Variants in HECW1 observed in about 807,000 individuals in gnomAD.
HECW1 encodes HECT, C2 and WW domain containing E3 ubiquitin protein ligase 1.
A neutral mutation model predicts 182.3 loss-of-function variants in HECW1; 61 were observed. The ratio of observed to expected loss-of-function variants is 0.33; its 90% CI spans 0.27 to 0.41. HECW1 has a LOEUF of 0.41. Among genes scored for constraint, HECW1 ranks in the 10% least tolerant of loss-of-function variants. The pLI is 1.00. For missense variants in HECW1, 1,739 were observed against 2,108.9 expected, an observed-to-expected ratio of 0.82 and a Z score of 3.44; for synonymous variants, 859 against 832.6, an observed-to-expected ratio of 1.03 and a Z score of -0.55.
At chr7:43,146,219 A>G (rs1035928203) in intron 2 of HECW1, among the ~76,000 whole-genome samples, 3 of 152,126 alleles carry the variant, frequency 2.0e-5, no homozygotes, top group African/African-American at 4.8e-5. Context: ...CCTTGGCACT[A>G]TTGACATTCT....
chr7:43,485,005 A>G (rs1234523365), intron 17 of HECW1, among the ~76,000 whole-genome samples: 2 of 152,204 alleles, frequency 1.3e-5, no homozygotes, highest in Non-Finnish European at 2.9e-5. Context: ...TGACATCAAT[A>G]AGGAAGGATA....
chr7:43,232,021 CAAAAA>C (rs34791514), intron 2 of HECW1, among the ~76,000 whole-genome samples: 5 of 71,366 alleles, frequency 7.0e-5, no homozygotes, highest in Non-Finnish European at 1.1e-4. Context: ...GACTCCATCT[CAAAAA>C]AAAAAAAAAA....
At chr7:43,541,736 A>T in intron 25 of HECW1, 133 bp from the exon 26 acceptor site, 1 of 724,466 alleles carries the variant, frequency 1.4e-6, no homozygotes, top group Non-Finnish European at 2.0e-6. Context: ...CTGATTCATC[A>T]GTGGATTCAA....
At chr7:43,136,663 C>T (rs76149994) in intron 2 of HECW1, among the ~76,000 whole-genome samples, 2,977 of 152,264 alleles carry the variant, frequency 0.02, 108 homozygotes, top group African/African-American at 0.068. Context: ...ATTTCCAGCC[C>T]GTTTTCATCT....
chr7:43,312,143 C>G (rs1808608140), intron 4 of HECW1, 56 bp downstream of exon 4: 7 of 1,413,072 alleles, frequency 5.0e-6, no homozygotes, highest in Non-Finnish European at 6.9e-6. Flanking sequence ...TATGCTGTCA[C>G]ATTTTAATAA....
At chr7:43,230,298 G>A (rs1797769907) in intron 2 of HECW1, among the ~76,000 whole-genome samples, 1 of 152,144 alleles carries the variant, frequency 6.6e-6, no homozygotes, top group African/African-American at 2.4e-5. Flanking sequence ...GGAGGCTGAG[G>A]CCAGAGAATC....
At position 43,444,571 on chromosome 7, in the gene HECW1, G is replaced by A. The variant is rs780489897; in HGVS notation, c.1399G>A (p.Glu467Lys). 11 of 1,610,996 alleles carry A rather than the reference G, an allele frequency of 6.8e-6. No individual in the cohort carries two copies. The South Asian group carries it at 8.8e-5, about 13-fold the overall frequency. ...GGCCGAGCAGCTGGACCTGGGTGAG[G>A]AGGCATCAGCACTGCTGCTGGAAGA... ...ELAEQLDLGE[E>K]ASALLLEDGE... The change falls in exon 11 of 30, where the codon GAG becomes AAG. Residue 467 changes from glutamate to lysine, a missense_variant. This residue lies in a region of HECW1 where 971 missense variants were observed against 1,029.1 expected (regional missense o/e 0.94). Coordinates refer to ENST00000395891, the MANE Select transcript of HECW1 (RefSeq NM_015052.5). This position sits in a 1 kb window ranked among gnomAD's most constrained non-coding sequence, Gnocchi z 4.3.
rs1785043333 is a variant in HECW1, at chr7:43,116,295, G to C, written c.-32+1904G>C. ...ATTTATCTGATAACTGCTCTGTTCTGTCTTGCTCTGGCCTTAGAAGGAAAC... is the reference window on the plus strand; with the variant it reads ...ATTTATCTGATAACTGCTCTGTTCTCTCTTGCTCTGGCCTTAGAAGGAAAC... On this transcript the variant is annotated intron_variant, in intron 2 of 29. Transcript: ENST00000395891. Among the ~76,000 whole-genome samples, 3 of 152,220 alleles carry C rather than the reference G, an allele frequency of 2.0e-5. No homozygotes were observed. The South Asian group carries it at 6.2e-4, about 32-fold the overall frequency.
chr7:43,395,170 A>G (rs6943852), intron 6 of HECW1, among the ~76,000 whole-genome samples: 18 of 152,176 alleles, frequency 1.2e-4, no homozygotes, highest in African/African-American at 4.1e-4. Flanking sequence ...CTCCTAAACC[A>G]TAATTTCTAA....
chr7:43,554,649 A>G lies in HECW1; in HGVS notation c.4568A>G (p.Asn1523Ser), dbSNP rs755032212. ...TTCTGGGCTGCGGTGGAGCGCTTCAATAATGAGCAGAGGCTGAGATTACTG... is the reference window on the plus strand; with the variant it reads ...TTCTGGGCTGCGGTGGAGCGCTTCAGTAATGAGCAGAGGCTGAGATTACTG... Reference protein sequence around the residue: ...RWFWAAVERFNNEQRLRLLQF... With the variant: ...RWFWAAVERFSNEQRLRLLQF... Residue 1523 changes from asparagine to serine, a missense_variant, in exon 29 of 30, where the codon AAT becomes AGT. Physicochemically the swap from Asn to Ser is conservative, Grantham distance 46 (BLOSUM62 1). Around this residue, in one of 5 missense-constraint regions of HECW1, gnomAD observed 420 missense variants for 595.7 expected, o/e 0.71. Transcript: ENST00000395891. 9 of 1,613,810 alleles carry G rather than the reference A, an allele frequency of 5.6e-6. No homozygotes were observed. The highest frequency in any genetic ancestry group is 2.2e-5 in the South Asian group (2 of 90,954).
At chr7:43,211,492 T>G (rs538054984) in intron 2 of HECW1, among the ~76,000 whole-genome samples, 2 of 152,030 alleles carry the variant, frequency 1.3e-5, no homozygotes, top group Non-Finnish European at 2.9e-5. Flanking sequence ...GAACTCACAG[T>G]CTCATGGGAC....
chr7:43,395,584 G>T (rs539865146), intron 6 of HECW1, among the ~76,000 whole-genome samples: 1 of 152,316 alleles, frequency 6.6e-6, no homozygotes, highest in South Asian at 2.1e-4. Flanking sequence ...CTGGTGCCGA[G>T]CCCCATTCCG....
chr7:43,355,584 C>T (rs1333059903), intron 5 of HECW1, among the ~76,000 whole-genome samples: 3 of 151,512 alleles, frequency 2.0e-5, no homozygotes, highest in African/African-American at 7.3e-5. Flanking sequence ...AACCAAAATG[C>T]AAAACCTATA....
In HECW1 at chr7:43,298,956, A is replaced by T. The variant is rs563055938; in HGVS notation, c.28-12807A>T. Among the ~76,000 whole-genome samples the T allele has an allele frequency of 5.3e-5, 8 of 152,352 alleles. No individual in the cohort carries two copies. In the South Asian group the frequency reaches 1.7e-3, roughly 32 times the overall value. ...ATTAGAGATGTTATCTGAATAATTA[A>T]TTCAAGCCTCAAATGAAAAGGAAAT... On this transcript the variant is annotated intron_variant, in intron 3 of 29. Transcript: ENST00000395891.
At chr7:43,234,398 C>T (rs935449475) in intron 2 of HECW1, among the ~76,000 whole-genome samples, 1 of 152,180 alleles carries the variant, frequency 6.6e-6, no homozygotes, top group African/African-American at 2.4e-5. Flanking sequence ...AACTAGAAGC[C>T]TAACACAACC....
chr7:43,229,215 TAGG>T (rs1036772106), intron 2 of HECW1, among the ~76,000 whole-genome samples: 11 of 152,338 alleles, frequency 7.2e-5, no homozygotes, highest in African/African-American at 2.6e-4. Context: ...TGACACCAAA[TAGG>T]AGTTCATTTT....
chr7:43,451,319 C>T (rs1421746622), intron 12 of HECW1, among the ~76,000 whole-genome samples: 6 of 152,278 alleles, frequency 3.9e-5, no homozygotes, highest in Admixed American at 6.5e-5. Context: ...GGATCTGTTA[C>T]GTCACAAGCA....
At chr7:43,418,104 T>G (rs2076071299) in intron 8 of HECW1, among the ~76,000 whole-genome samples, 1 of 152,200 alleles carries the variant, frequency 6.6e-6, no homozygotes, top group Non-Finnish European at 1.5e-5. Context: ...CATCTCTGCC[T>G]CCATCTTCAC....
chr7:43,557,475 G>C (rs1039395129), intron 29 of HECW1, among the ~76,000 whole-genome samples: 2 of 152,246 alleles, frequency 1.3e-5, no homozygotes, highest in African/African-American at 4.8e-5. Context: ...GAGGGTAGAG[G>C]CTTCTGGGAT....
Sources: allele counts gnomAD v4.1 joint callset (sites outside exome capture counted in the v4.1 genomes callset), GRCh38; gene constraint gnomAD v4.1.1; regional missense constraint gnomAD v4.1.1; non-coding constraint Gnocchi (gnomAD v3.1); transcripts MANE v1.5; gene names NCBI Gene and HGNC (gene_info 2026-07-23, HGNC 2026-07-21).